PIP5K1C: variants seen among roughly 807,000 people sequenced by gnomAD.
PIP5K1C encodes the protein phosphatidylinositol-4-phosphate 5-kinase type 1 gamma.
PIP5K1C carries 45 observed loss-of-function variants against 80.1 expected under a neutral mutation model. The ratio of observed to expected loss-of-function variants is 0.56; its 90% CI spans 0.44 to 0.72. The LOEUF (loss-of-function observed/expected upper bound fraction) is 0.72, where lower values mean the gene tolerates loss of function less well. Ranked by LOEUF, PIP5K1C falls within the 30% of genes least tolerant of loss-of-function variation. The probability of loss-of-function intolerance (pLI) is 0.00; values close to 1 mark genes in which losing one functional copy is unlikely to be tolerated. For synonymous variants in PIP5K1C, 498 were observed against 420.1 expected (o/e 1.19, Z -2.27); for missense variants, 753 against 954.6 (o/e 0.79, Z 2.78).
chr19:3,664,840 G>A lies in PIP5K1C; in HGVS notation c.201C>T (p.Gly67=), dbSNP rs772824441. ...GAGGAACCTTCTTGTAGGTGGTTTC[G>A]CCGGATGCGTCCACACCTCGATGGC... The part of the protein sequence containing the change: ...KLGHRGVDAS[G]ETTYKKTTSS... The change falls in exon 3 of 18, where the codon GGC becomes GGT. Residue 67 remains glycine (G), a synonymous_variant. Coordinates refer to ENST00000335312, the MANE Select transcript of PIP5K1C (RefSeq NM_012398.3). 119 of 1,612,960 alleles carry A rather than the reference G, an allele frequency of 7.4e-5. No individual in the cohort carries two copies. Among genetic ancestry groups the A allele is most frequent in the Non-Finnish European group, 9.3e-5 (110 of 1,179,848 alleles).
chr19:3,636,921 C>T (rs1261175247), intron 16 of PIP5K1C: 3 of 1,007,998 alleles, frequency 3.0e-6, no homozygotes, highest in Admixed American at 5.2e-5. Flanking sequence ...CTACGTGGGG[C>T]CCATGTGGCG....
chr19:3,695,080 T>TG (rs1234228660), intron 1 of PIP5K1C, among the ~76,000 whole-genome samples: 1 of 152,136 alleles, frequency 6.6e-6, no homozygotes, highest in Non-Finnish European at 1.5e-5. Flanking sequence ...CAGATTCGGG[T>TG]GGGGTCTCAC....
rs1176219753 is a variant in PIP5K1C, at chr19:3,692,153, A to G, written c.94+8144T>C. Among the ~76,000 whole-genome samples, 1 of 152,150 alleles carries G rather than the reference A, an allele frequency of 6.6e-6. No homozygotes were observed. Among genetic ancestry groups the G allele is most frequent in the East Asian group, 1.9e-4 (1 of 5,198 alleles). On this transcript the variant is annotated intron_variant, in intron 1 of 17. Transcript: ENST00000335312. This position sits in a 1 kb window ranked among gnomAD's most constrained non-coding sequence, Gnocchi z 5.2. ...GTGTGCATTGACTCATCTAATCCTC[A>G]AGGGACATTGCTTTCCAAATGAGGA...
chr19:3,632,866 T>A lies in PIP5K1C; in HGVS notation c.*301A>T, dbSNP rs1037443043. ...GGTTGGTTTGTTTGTGTCTTTTTTG[T>A]TCTTTTCCTAAAACGGCACACACGT... On this transcript the variant is annotated 3_prime_UTR_variant, in exon 18 of 18. Transcript: ENST00000335312. The A allele has an allele frequency of 8.1e-5, 36 of 445,280 alleles. No homozygotes were observed. The highest frequency in any genetic ancestry group is 7.5e-4 in the African/African-American group (36 of 48,088). The allele number at this position is 445,280 out of a possible 1,614,324, so 27.6% of individuals were successfully genotyped here.
At chr19:3,700,160 C>T in intron 1 of PIP5K1C, 137 bp downstream of exon 1, 1 of 357,818 alleles carries the variant, frequency 2.8e-6, no homozygotes, top group Non-Finnish European at 4.1e-6. Context: ...CTCCAGGGGA[C>T]TGCCCCGCCC....
At chr19:3,660,181 C>T (rs1353944404) in intron 5 of PIP5K1C, among the ~76,000 whole-genome samples, 1 of 152,152 alleles carries the variant, frequency 6.6e-6, no homozygotes, top group Admixed American at 6.5e-5. Context: ...GAGATCGAGA[C>T]CATCCTGGCT....
At chr19:3,641,975 G>A (rs79056524) in intron 14 of PIP5K1C, among the ~76,000 whole-genome samples, 166 bp from the exon 15 acceptor site, 6 of 152,160 alleles carry the variant, frequency 3.9e-5, no homozygotes, top group Non-Finnish European at 8.8e-5. Flanking sequence ...CTGTCCACCT[G>A]GGTCCCTTGG....
At position 3,670,237 on chromosome 19, in the gene PIP5K1C, T is replaced by C. The variant is rs8101447; in HGVS notation, c.95-2884A>G. The stretch of plus-strand genomic sequence containing the variant: ...AGGGTGCGGGGTTGGACGGTGTCCC[T>C]CCGACATTCACGTCCTTCCAAGAAC... On this transcript the variant is annotated intron_variant, in intron 1 of 17. Transcript: ENST00000335312. Among the ~76,000 whole-genome samples the C allele has an allele frequency of 3.2e-4, 48 of 152,294 alleles. 1 individual carries two copies. Among genetic ancestry groups the C allele is most frequent in the African/African-American group, 1.1e-3 (47 of 41,556 alleles).
At chr19:3,677,981 G>A (rs1568349599) in intron 1 of PIP5K1C, among the ~76,000 whole-genome samples, 1 of 131,948 alleles carries the variant, frequency 7.6e-6, no homozygotes, top group Admixed American at 7.2e-5. Flanking sequence ...GAGGAATAGA[G>A]GGAAGGAGGA....
chr19:3,638,545 G>T, intron 16 of PIP5K1C, among the ~76,000 whole-genome samples: 1 of 152,246 alleles, frequency 6.6e-6, no homozygotes, highest in Non-Finnish European at 1.5e-5. Context: ...TGAGGACTCC[G>T]GACGACTTCC....
chr19:3,634,797 T>C (rs1399748691), intron 16 of PIP5K1C, among the ~76,000 whole-genome samples: 1 of 152,206 alleles, frequency 6.6e-6, no homozygotes, highest in Non-Finnish European at 1.5e-5. Flanking sequence ...CACTCCACCC[T>C]GCCCGATCCT....
At chr19:3,666,999 G>A (rs1023408707) in intron 2 of PIP5K1C, among the ~76,000 whole-genome samples, 2 of 25,870 alleles carry the variant, frequency 7.7e-5, no homozygotes, top group Non-Finnish European at 7.8e-5. Context: ...TCTCCCCACC[G>A]CCCACCCCCC....
chr19:3,695,153 G>A (rs564655152), intron 1 of PIP5K1C, among the ~76,000 whole-genome samples: 4 of 152,354 alleles, frequency 2.6e-5, no homozygotes, highest in South Asian at 2.1e-4. Flanking sequence ...AGGGGTCAGC[G>A]AGGCAGTCCC....
rs1468705317 is a variant in PIP5K1C, at chr19:3,631,884, G to C, written c.*1283C>G. ...TCCCAAAGGTGCAGCTTCCACTCCA[G>C]CTCCTCACATCCTGGGCACATCTTG... On this transcript the variant is annotated 3_prime_UTR_variant, in exon 18 of 18. Coordinates refer to ENST00000335312, the MANE Select transcript of PIP5K1C (RefSeq NM_012398.3). 2 of 152,410 alleles carry C rather than the reference G, an allele frequency of 1.3e-5. No individual in the cohort carries two copies. Among genetic ancestry groups the C allele is most frequent in the African/African-American group, 4.8e-5 (2 of 41,586 alleles). 9.4% of individuals were successfully genotyped at this position (152,410 alleles called of 1,614,324 possible).
At chr19:3,700,457 ACAAGCGCCGCCGG>A in exon 1 of PIP5K1C, 1 of 847,444 alleles carries the variant, frequency 1.2e-6, no homozygotes, top group Non-Finnish European at 1.4e-6. Context: ...CCGCCGAACA[ACAAGCGCCGCCGG>A]CCAAGGGAGG....
chr19:3,645,965 G>C lies in PIP5K1C; in HGVS notation c.1345+9C>G. The stretch of plus-strand genomic sequence containing the variant: ...GTCCCTCCCGCCTTGCGGGGCTCAG[G>C]TGGCTTACAGGAGTTCTTCCGAAAG... On this transcript the variant is annotated intron_variant, in intron 11 of 17. Transcript: ENST00000335312. 1 of 1,610,988 alleles carries C rather than the reference G, an allele frequency of 6.2e-7. No homozygotes were observed. The highest frequency in any genetic ancestry group is 1.1e-5 in the South Asian group (1 of 91,030).
At chr19:3,680,108 TC>T (rs1275152380) in intron 1 of PIP5K1C, among the ~76,000 whole-genome samples, 2 of 152,182 alleles carry the variant, frequency 1.3e-5, no homozygotes, top group African/African-American at 4.8e-5. Context: ...ACAGGCTAGT[TC>T]TTACCCTGAA....
At position 3,661,860 on chromosome 19, in the gene PIP5K1C, G is replaced by T. The variant is rs757798721; in HGVS notation, c.350+11C>A. 5.6e-6 allele frequency: 9 copies of T among 1,610,624 alleles called. No individual in the cohort carries two copies. The highest frequency in any genetic ancestry group is 5.3e-5 in the African/African-American group (4 of 74,928). On this transcript the variant is annotated intron_variant, in intron 4 of 17. Transcript: ENST00000335312. ...CTGGGTGAGCCCTGAGGCTCCGGGG[G>T]CCCGGCCCACCTGGGGAAGAAGATG... is the stretch of plus-strand genomic sequence containing the variant.
Position 3,696,026 on chromosome 19 carries a change from C to T in PIP5K1C, c.94+4271G>A, listed in dbSNP as rs547055472. 2.0e-5 allele frequency among the ~76,000 whole-genome samples: 3 copies of T among 152,298 alleles called. No individual in the cohort carries two copies. The highest frequency in any genetic ancestry group is 2.1e-4 in the South Asian group (1 of 4,830). ...GATTACAGGTGTGAGCCACCGTGCCCGGCCTCCCTGACCTTTTTACACAGA... is the reference window on the plus strand; with the variant it reads ...GATTACAGGTGTGAGCCACCGTGCCTGGCCTCCCTGACCTTTTTACACAGA... On this transcript the variant is annotated intron_variant, in intron 1 of 17. Transcript: ENST00000335312. The surrounding 1 kb of genome is among the most constrained non-coding windows in gnomAD (Gnocchi z 4.1).
Sources: allele counts gnomAD v4.1 joint callset (sites outside exome capture counted in the v4.1 genomes callset), GRCh38; gene constraint gnomAD v4.1.1; non-coding constraint Gnocchi (gnomAD v3.1); transcripts MANE v1.5; gene names NCBI Gene and HGNC (gene_info 2026-07-23, HGNC 2026-07-21).